ATXN10: variants seen among roughly 807,000 people sequenced by gnomAD.
ATXN10 encodes the protein ataxin 10, also known as ataxin-10.
Under a neutral mutation model 52.9 loss-of-function variants are expected in ATXN10, and 28 were observed. The observed-to-expected ratio is 0.53, with a 90% CI of 0.39 to 0.73. The LOEUF is 0.73. Among genes scored for constraint, ATXN10 ranks in the 30% least tolerant of loss-of-function variants. The pLI is 0.00. For synonymous variants in ATXN10, 226 were observed against 221.5 expected, an observed-to-expected ratio of 1.02 and a Z score of -0.18; for missense variants, 565 against 577.0, an observed-to-expected ratio of 0.98 and a Z score of 0.21.
chr22:45,741,690 A>G (rs79660385), intron 9 of ATXN10, among the ~76,000 whole-genome samples: 1 of 146,274 alleles, frequency 6.8e-6, no homozygotes, highest in South Asian at 2.1e-4. Context: ...TAAAAAATAG[A>G]AAAAAAAAAT....
chr22:45,753,274 G>A (rs1271549534), intron 9 of ATXN10, among the ~76,000 whole-genome samples: 7 of 148,478 alleles, frequency 4.7e-5, no homozygotes, highest in African/African-American at 1.2e-4. Context: ...AACCTTTTTC[G>A]GCAGAAGTCC....
At chr22:45,758,021 T>C (rs1926237270) in intron 9 of ATXN10, among the ~76,000 whole-genome samples, 1 of 152,272 alleles carries the variant, frequency 6.6e-6, no homozygotes, top group Non-Finnish European at 1.5e-5. Context: ...TTCCAAAGTA[T>C]ATGGCAGAGA....
chr22:45,727,473 C>T lies in ATXN10; in HGVS notation c.729-1952C>T, dbSNP rs1033078190. Among the ~76,000 whole-genome samples the T allele has an allele frequency of 6.6e-6, 1 of 152,130 alleles. No individual in the cohort carries two copies. The highest frequency in any genetic ancestry group is 2.4e-5 in the African/African-American group (1 of 41,420). On this transcript the variant is annotated intron_variant, in intron 6 of 11. Coordinates refer to ENST00000252934, the MANE Select transcript of ATXN10 (RefSeq NM_013236.4). The surrounding 1 kb of genome is among the most constrained non-coding windows in gnomAD (Gnocchi z 4.6). Reference sequence around the variant, plus strand: ...TCCTGGGTTCAAGTGATTCTTCCGCCTCAGCCTCCTGAGTAGCTGGATTAC... The same window carrying T: ...TCCTGGGTTCAAGTGATTCTTCCGCTTCAGCCTCCTGAGTAGCTGGATTAC...
chr22:45,806,664 A>C (rs907909644), intron 9 of ATXN10, among the ~76,000 whole-genome samples: 1 of 152,112 alleles, frequency 6.6e-6, no homozygotes, highest in African/African-American at 2.4e-5. Flanking sequence ...TCTCATATCT[A>C]TCTGGAGTTT....
At chr22:45,731,842 A>G (rs1355053275) in intron 7 of ATXN10, among the ~76,000 whole-genome samples, 1 of 152,136 alleles carries the variant, frequency 6.6e-6, no homozygotes, top group South Asian at 2.1e-4. Context: ...CGTTAACTTT[A>G]GTTCTCATTT....
chr22:45,833,496 C>T lies in ATXN10; in HGVS notation c.1238-9495C>T, dbSNP rs900916939. 1.3e-5 allele frequency among the ~76,000 whole-genome samples: 2 copies of T among 152,194 alleles called. No homozygotes were observed. Among genetic ancestry groups the T allele is most frequent in the African/African-American group, 4.8e-5 (2 of 41,432 alleles). ...TTCTAACTTAGAACTATTTTTGATC[C>T]TTGGCTGTACTTCATTAATTTTGAA... On this transcript the variant is annotated intron_variant, in intron 10 of 11. Coordinates refer to ENST00000252934, the MANE Select transcript of ATXN10 (RefSeq NM_013236.4). This position sits in a 1 kb window ranked among gnomAD's most constrained non-coding sequence, Gnocchi z 4.3.
chr22:45,787,411 TC>T lies in ATXN10; in HGVS notation c.1174-19545del, dbSNP rs1386039889. 6.6e-6 allele frequency among the ~76,000 whole-genome samples: 1 copy of T among 152,140 alleles called. No homozygotes were observed. The highest frequency in any genetic ancestry group is 1.5e-5 in the Non-Finnish European group (1 of 68,012). On this transcript the variant is annotated intron_variant, in intron 9 of 11. Coordinates refer to ENST00000252934, the MANE Select transcript of ATXN10 (RefSeq NM_013236.4). The surrounding 1 kb of genome is among the most constrained non-coding windows in gnomAD (Gnocchi z 4.2). ...TCTTGATCTGCCTCCTGGCCCCTTT[TC>T]CCTCAAGGCACTAGGGAGACAGGAG...
intron 6 of ATXN10, among the ~76,000 whole-genome samples, chr22:45,729,095 C>T (rs1924985870): frequency 6.6e-6 from 1 of 152,212 alleles, no homozygotes; most frequent in Admixed American, 6.5e-5. Context: ...GCCCGTTTCA[C>T]TTTGCTGTTG....
chr22:45,695,618 C>T (rs79399583), intron 3 of ATXN10, among the ~76,000 whole-genome samples: 1 of 151,776 alleles, frequency 6.6e-6, no homozygotes, highest in South Asian at 2.1e-4. Flanking sequence ...CTCAGCCTCC[C>T]GAGTAGCTGG....
chr22:45,776,067 C>T (rs1926944473), intron 9 of ATXN10, among the ~76,000 whole-genome samples: 2 of 152,136 alleles, frequency 1.3e-5, no homozygotes, highest in African/African-American at 4.8e-5. Flanking sequence ...TGTCCTGTTA[C>T]CTTTCTGAAC....
chr22:45,742,180 G>A (rs1447241983), intron 9 of ATXN10, among the ~76,000 whole-genome samples: 2 of 151,262 alleles, frequency 1.3e-5, no homozygotes, highest in African/African-American at 4.9e-5. Context: ...ATTAATAATT[G>A]CCCTCTAAAA....
Position 45,841,928 on chromosome 22 carries a change from C to T in ATXN10, c.1238-1063C>T, listed in dbSNP as rs534319714. On this transcript the variant is annotated intron_variant, in intron 10 of 11. Transcript: ENST00000252934. This position sits in a 1 kb window ranked among gnomAD's most constrained non-coding sequence, Gnocchi z 5.1. ...TTGATACCTTGTGGGGACACTGACT[C>T]CCTGGTTCTGGCATTGGCAGTGCCC... is the stretch of plus-strand genomic sequence containing the variant. Among the ~76,000 whole-genome samples the T allele has an allele frequency of 6.6e-6, 1 of 152,306 alleles. No individual in the cohort carries two copies. Among genetic ancestry groups the T allele is most frequent in the East Asian group, 1.9e-4 (1 of 5,176 alleles).
Position 45,837,533 on chromosome 22 carries a change from A to T in ATXN10, c.1238-5458A>T, listed in dbSNP as rs1294081367. Among the ~76,000 whole-genome samples, 1 of 152,244 alleles carries T rather than the reference A, an allele frequency of 6.6e-6. No individual in the cohort carries two copies. Among genetic ancestry groups the T allele is most frequent in the African/African-American group, 2.4e-5 (1 of 41,462 alleles). On this transcript the variant is annotated intron_variant, in intron 10 of 11. Transcript: ENST00000252934. This position sits in a 1 kb window ranked among gnomAD's most constrained non-coding sequence, Gnocchi z 5.8. ...TGCCTCAGCCTCCCAAAGTGTTGGG[A>T]TTACAGGCGTGAGCCACTATGCCCG...
chr22:45,750,413 A>G lies in ATXN10; in HGVS notation c.1173+9875A>G, dbSNP rs957702513. Among the ~76,000 whole-genome samples, 2 of 152,154 alleles carry G rather than the reference A, an allele frequency of 1.3e-5. No individual in the cohort carries two copies. Among genetic ancestry groups the G allele is most frequent in the African/African-American group, 2.4e-5 (1 of 41,426 alleles). ...GCCCGGCCGACAACAGTGATTTTAAATGGATTTGTGTTTAACAGTAAAAAA... is the reference window on the plus strand; with the variant it reads ...GCCCGGCCGACAACAGTGATTTTAAGTGGATTTGTGTTTAACAGTAAAAAA... On this transcript the variant is annotated intron_variant, in intron 9 of 11. Transcript: ENST00000252934. This position sits in a 1 kb window ranked among gnomAD's most constrained non-coding sequence, Gnocchi z 4.2.
chr22:45,838,739 A>G (rs896929134), intron 10 of ATXN10, among the ~76,000 whole-genome samples: 1 of 152,236 alleles, frequency 6.6e-6, no homozygotes, highest in Non-Finnish European at 1.5e-5. Flanking sequence ...TTCATGACCC[A>G]GGGCTGTGGA....
intron 8 of ATXN10, 135 bp downstream of exon 8, chr22:45,738,974 T>A: frequency 2.4e-5 from 19 of 792,866 alleles, no homozygotes; most frequent in Non-Finnish European, 3.8e-5. Flanking sequence ...TTGAGAGGAA[T>A]CACAGTGTTG....
rs895188525 is a variant in ATXN10, at chr22:45,732,173, T to C, written c.894+2583T>C. Among the ~76,000 whole-genome samples, 1 of 152,172 alleles carries C rather than the reference T, an allele frequency of 6.6e-6. No individual in the cohort carries two copies. The highest frequency in any genetic ancestry group is 1.5e-5 in the Non-Finnish European group (1 of 68,024). On this transcript the variant is annotated intron_variant, in intron 7 of 11. Coordinates refer to ENST00000252934, the MANE Select transcript of ATXN10 (RefSeq NM_013236.4). This position sits in a 1 kb window ranked among gnomAD's most constrained non-coding sequence, Gnocchi z 4.5. ...ATTAATGGAATGGAAAGTTGTAGAC[T>C]GGGAACAGTGGCTCATGCCCGTAAT...
At chr22:45,742,956 T>C (rs983812420) in intron 9 of ATXN10, among the ~76,000 whole-genome samples, 2 of 152,246 alleles carry the variant, frequency 1.3e-5, no homozygotes, top group Non-Finnish European at 2.9e-5. Context: ...TTTTCTTGTG[T>C]TTAACTATTC....
At chr22:45,803,917 T>A (rs1344960944) in intron 9 of ATXN10, among the ~76,000 whole-genome samples, 1 of 151,996 alleles carries the variant, frequency 6.6e-6, no homozygotes, top group Non-Finnish European at 1.5e-5. Context: ...CAAGACCCAC[T>A]CTCTATAGTG....
Sources: gnomAD v4.1 joint callset for allele counts (sites outside exome capture counted in the v4.1 genomes callset) on GRCh38, gnomAD v4.1.1 for gene constraint, Gnocchi (gnomAD v3.1) non-coding constraint, MANE v1.5 for transcripts, NCBI Gene and HGNC (gene_info 2026-07-23, HGNC 2026-07-21) for gene names.